Variants in SSBP3 observed in about 807,000 individuals in gnomAD.
SSBP3 encodes single-stranded DNA-binding protein 3.
A neutral mutation model predicts 69.6 loss-of-function variants in SSBP3; 5 were observed. The ratio of observed to expected loss-of-function variants is 0.07; its 90% CI spans 0.04 to 0.15. The LOEUF (loss-of-function observed/expected upper bound fraction) is 0.15, where lower values mean the gene tolerates loss of function less well. Ranked by LOEUF, SSBP3 falls within the 10% of genes least tolerant of loss-of-function variation. The pLI, the probability that SSBP3 is intolerant of heterozygous loss-of-function variation, is 1.00. For missense variants in SSBP3, 312 were observed against 534.0 expected (o/e 0.58, Z 4.10); for synonymous variants, 196 against 193.4 (o/e 1.01, Z -0.11).
chr1:54,241,140 CCT>C (rs1039074677), intron 12 of SSBP3, among the ~76,000 whole-genome samples, 181 bp from the exon 13 acceptor site: 8 of 152,312 alleles, frequency 5.3e-5, no homozygotes, highest in South Asian at 2.1e-4. Flanking sequence ...CTGGATGTCC[CCT>C]GTCCCTTTCT....
chr1:54,320,977 G>A (rs992054041), intron 4 of SSBP3, among the ~76,000 whole-genome samples: 3 of 152,220 alleles, frequency 2.0e-5, no homozygotes, highest in Non-Finnish European at 4.4e-5. Context: ...GAGCTCAGTT[G>A]CAAGGGGAAG....
intron 4 of SSBP3, among the ~76,000 whole-genome samples, chr1:54,294,156 AAAAAAAGAAAG>A (rs1645658732): frequency 1.9e-5 from 2 of 104,278 alleles, no homozygotes; most frequent in African/African-American, 6.3e-5. Context: ...AAAAAAAAAA[AAAAAAAGAAAG>A]AAAGAAAGAA....
At chr1:54,269,515 T>G (rs1374316773) in intron 5 of SSBP3, among the ~76,000 whole-genome samples, 1 of 152,236 alleles carries the variant, frequency 6.6e-6, no homozygotes, top group Non-Finnish European at 1.5e-5. Context: ...CAGAGTAAGT[T>G]CCTTGGGATT....
At chr1:54,297,616 G>A (rs1192627791) in intron 4 of SSBP3, among the ~76,000 whole-genome samples, 1 of 152,192 alleles carries the variant, frequency 6.6e-6, no homozygotes, top group Non-Finnish European at 1.5e-5. Context: ...GGGAGACAGA[G>A]TGAGACTTTG....
At chr1:54,344,844 T>C (rs1322788212) in intron 4 of SSBP3, among the ~76,000 whole-genome samples, 1 of 152,178 alleles carries the variant, frequency 6.6e-6, no homozygotes, top group East Asian at 1.9e-4. Flanking sequence ...AGACATTGTC[T>C]CAAATTAAAA....
intron 4 of SSBP3, among the ~76,000 whole-genome samples, chr1:54,363,354 G>A (rs1241616386): frequency 6.6e-6 from 1 of 152,194 alleles, no homozygotes; most frequent in African/African-American, 2.4e-5. Flanking sequence ...CAGCAATGGT[G>A]TGAATCATGA....
chr1:54,259,732 G>A (rs677026), intron 5 of SSBP3, among the ~76,000 whole-genome samples: 6,152 of 152,248 alleles, frequency 0.04, 138 homozygotes, highest in Non-Finnish European at 0.042. Flanking sequence ...AGAGAACATC[G>A]CAGGGGGCTG....
intron 4 of SSBP3, among the ~76,000 whole-genome samples, chr1:54,290,833 G>A (rs1645592313): frequency 6.6e-6 from 1 of 152,238 alleles, no homozygotes; most frequent in African/African-American, 2.4e-5. Context: ...GATGAACACT[G>A]CAGAGTGGAT....
chr1:54,237,640 T>C (rs1373507099), intron 14 of SSBP3: 7 of 155,532 alleles, frequency 4.5e-5, no homozygotes, highest in Admixed American at 4.4e-4. Context: ...CATTTAACCT[T>C]CTTTCCCAGT....
intron 4 of SSBP3, among the ~76,000 whole-genome samples, chr1:54,357,013 G>C (rs990656577): frequency 1.3e-5 from 2 of 151,468 alleles, no homozygotes; most frequent in African/African-American, 4.8e-5. Context: ...CACATCTTCT[G>C]GGTGGAGGGA....
chr1:54,260,493 C>T (rs1429049783), intron 5 of SSBP3, among the ~76,000 whole-genome samples: 1 of 152,240 alleles, frequency 6.6e-6, no homozygotes, highest in Non-Finnish European at 1.5e-5. Context: ...GGGCCTCAAT[C>T]TACGGCAGCC....
chr1:54,247,064 G>A (rs1433394165), intron 9 of SSBP3, among the ~76,000 whole-genome samples: 4 of 152,246 alleles, frequency 2.6e-5, no homozygotes, highest in Non-Finnish European at 5.9e-5. Context: ...CCGTGGGGCT[G>A]GCCACATTCA....
chr1:54,353,011 G>A (rs1020126718), intron 4 of SSBP3, among the ~76,000 whole-genome samples: 3 of 152,174 alleles, frequency 2.0e-5, no homozygotes, highest in African/African-American at 4.8e-5. Flanking sequence ...GAGGCAGTAG[G>A]TGACGCGGGG....
At chr1:54,285,760 C>T (rs1171987318) in intron 4 of SSBP3, among the ~76,000 whole-genome samples, 2 of 152,134 alleles carry the variant, frequency 1.3e-5, no homozygotes, top group Non-Finnish European at 2.9e-5. Flanking sequence ...CTGAAAACCC[C>T]CATTATTCAC....
At chr1:54,227,144 G>A in exon 18 of SSBP3, 4 of 1,370,908 alleles carry the variant, frequency 2.9e-6, no homozygotes, top group Non-Finnish European at 3.9e-6. Flanking sequence ...CACACTCATC[G>A]TCATGCTTGG....
At chr1:54,244,166 T>A (rs1173474135) in intron 9 of SSBP3, among the ~76,000 whole-genome samples, 1 of 150,644 alleles carries the variant, frequency 6.6e-6, no homozygotes, top group African/African-American at 2.4e-5. Context: ...AGCAGTGGCA[T>A]GATCTCGGTT....
intron 4 of SSBP3, among the ~76,000 whole-genome samples, chr1:54,344,179 A>C (rs2100540948): frequency 6.6e-6 from 1 of 152,326 alleles, no homozygotes; most frequent in Non-Finnish European, 1.5e-5. Flanking sequence ...TGAGGAAAAA[A>C]AAAGTCACAC....
chr1:54,234,749 G>A (rs1270006860), intron 14 of SSBP3, among the ~76,000 whole-genome samples: 1 of 151,318 alleles, frequency 6.6e-6, no homozygotes, highest in Non-Finnish European at 1.5e-5. Context: ...ATAGCCTTTA[G>A]GACATCCTTT....
chr1:54,378,160 T>C (rs1647330491), intron 4 of SSBP3, among the ~76,000 whole-genome samples: 1 of 152,198 alleles, frequency 6.6e-6, no homozygotes, highest in Non-Finnish European at 1.5e-5. Context: ...AGAGTTCCCA[T>C]TTTTATAACA....
Sources: allele counts gnomAD v4.1 joint callset (sites outside exome capture counted in the v4.1 genomes callset), GRCh38; gene constraint gnomAD v4.1.1; transcripts MANE v1.5; gene names NCBI Gene and HGNC (gene_info 2026-07-23, HGNC 2026-07-21).